INSYN2A: variants seen among roughly 807,000 people sequenced by gnomAD.
The protein encoded by INSYN2A is family with sequence similarity 196 member A.
In INSYN2A, 17 loss-of-function variants were observed where a neutral mutation model predicts 39.4. The observed-to-expected ratio is 0.43, with a 90% CI of 0.30 to 0.65. INSYN2A has a LOEUF of 0.65. Ranked by LOEUF, INSYN2A falls within the 30% of genes least tolerant of loss-of-function variation. The probability of loss-of-function intolerance (pLI) is 0.14; values close to 1 mark genes in which losing one functional copy is unlikely to be tolerated. For synonymous variants in INSYN2A, 255 were observed against 265.7 expected, an observed-to-expected ratio of 0.96 and a Z score of 0.39; for missense variants, 595 against 631.2, an observed-to-expected ratio of 0.94 and a Z score of 0.61.
intron 2 of INSYN2A, among the ~76,000 whole-genome samples, chr10:127,181,182 G>A (rs1386807011): frequency 1.3e-5 from 2 of 152,176 alleles, no homozygotes; most frequent in African/African-American, 4.8e-5. Flanking sequence ...ATGTATATAT[G>A]CATAGGTATA....
chr10:127,161,759 C>T (rs998619804), intron 4 of INSYN2A, among the ~76,000 whole-genome samples: 1 of 152,174 alleles, frequency 6.6e-6, no homozygotes, highest in Non-Finnish European at 1.5e-5. Context: ...CCTGTCTTGC[C>T]ATGTTGTCAT....
Position 127,169,310 on chromosome 10 carries a change from C to G in INSYN2A, c.1184+5902G>C, listed in dbSNP as rs78125021. On this transcript the variant is annotated intron_variant, in intron 4 of 5. Coordinates refer to ENST00000522781, the MANE Select transcript of INSYN2A (RefSeq NM_001039762.3). The stretch of plus-strand genomic sequence containing the variant: ...CTGTGAACCCCTCAAAGGCTGGGCC[C>G]GAATTCCTTTGACTCTCACATCCCC... 9.4e-3 allele frequency among the ~76,000 whole-genome samples: 1,429 copies of G among 152,260 alleles called. 21 individuals carry two copies. The highest frequency in any genetic ancestry group is 0.033 in the African/African-American group (1,352 of 41,552).
intron 5 of INSYN2A, among the ~76,000 whole-genome samples, chr10:127,142,442 T>C (rs918437748): frequency 4.6e-5 from 7 of 152,228 alleles, no homozygotes; most frequent in Admixed American, 2.0e-4. Flanking sequence ...GGAGTGTCCA[T>C]GTCATGAGGA....
In INSYN2A at chr10:127,153,908, C is replaced by T. The variant is rs745985733; in HGVS notation, c.1200G>A (p.Thr400=). Residue 400 remains threonine, a synonymous_variant, in exon 5 of 6, where the codon ACG becomes ACA. Transcript: ENST00000522781. ...EAHREGLSYR[T]GQDTANCDTC... is the part of the protein sequence containing the mutation. ...TGTCACAATTAGCTGTGTCTTGCCC[C>T]GTCCGATATGAAAGCCTACAAGATA... The T allele has an allele frequency of 3.7e-6, 6 of 1,613,746 alleles. No homozygotes were observed. The highest frequency in any genetic ancestry group is 2.7e-5 in the African/African-American group (2 of 74,898).
intron 4 of INSYN2A, among the ~76,000 whole-genome samples, chr10:127,155,578 C>T (rs1275856141): frequency 6.6e-6 from 1 of 152,246 alleles, no homozygotes; most frequent in South Asian, 2.1e-4. Flanking sequence ...TTATCCCCTC[C>T]CCTTGTTCCT....
chr10:127,182,995 C>T (rs1291314750), intron 2 of INSYN2A, among the ~76,000 whole-genome samples: 1 of 149,692 alleles, frequency 6.7e-6, no homozygotes, highest in Non-Finnish European at 1.5e-5. Flanking sequence ...TAGTGGGAAT[C>T]TCACTCACAT....
At chr10:127,157,477 C>T (rs2053194770) in intron 4 of INSYN2A, among the ~76,000 whole-genome samples, 1 of 152,232 alleles carries the variant, frequency 6.6e-6, no homozygotes, top group Admixed American at 6.5e-5. Context: ...CATGGAAACA[C>T]TTCTTGACTT....
chr10:127,169,178 T>A (rs1259232735), intron 4 of INSYN2A, among the ~76,000 whole-genome samples: 1 of 152,128 alleles, frequency 6.6e-6, no homozygotes, highest in African/African-American at 2.4e-5. Flanking sequence ...TACATACATA[T>A]TAGGTATATG....
chr10:127,176,655 A>G lies in INSYN2A; in HGVS notation c.-6+222T>C, dbSNP rs1359249999. On this transcript the variant is annotated intron_variant, in intron 3 of 5. Coordinates refer to ENST00000522781, the MANE Select transcript of INSYN2A (RefSeq NM_001039762.3). This position sits in a 1 kb window ranked among gnomAD's most constrained non-coding sequence, Gnocchi z 4.4. Reference sequence around the variant, plus strand: ...CTCGCTTTCCTTTTGACAGTAATGCATGTTTCCCCATTAGACAAACCTGTT... The same window carrying G: ...CTCGCTTTCCTTTTGACAGTAATGCGTGTTTCCCCATTAGACAAACCTGTT... Among the ~76,000 whole-genome samples, 1 of 152,188 alleles carries G rather than the reference A, an allele frequency of 6.6e-6. No homozygotes were observed. The highest frequency in any genetic ancestry group is 1.9e-4 in the East Asian group (1 of 5,198).
chr10:127,137,695 G>A lies in INSYN2A; in HGVS notation c.*142C>T, dbSNP rs752089894. ...CTGTTAATTATCTATTGGTACAAAGGCCTTTTTGGTACGCAGGGCGAGAAG... is the reference window on the plus strand; with the variant it reads ...CTGTTAATTATCTATTGGTACAAAGACCTTTTTGGTACGCAGGGCGAGAAG... On this transcript the variant is annotated 3_prime_UTR_variant, in exon 6 of 6. Coordinates refer to ENST00000522781, the MANE Select transcript of INSYN2A (RefSeq NM_001039762.3). The A allele has an allele frequency of 2.6e-5, 18 of 685,056 alleles. No homozygotes were observed. Among genetic ancestry groups the A allele is most frequent in the Non-Finnish European group, 4.4e-5 (18 of 411,788 alleles). 42.4% of individuals were successfully genotyped at this position (685,056 alleles called of 1,614,324 possible).
chr10:127,142,864 A>G (rs777228561), intron 5 of INSYN2A, among the ~76,000 whole-genome samples: 10 of 152,196 alleles, frequency 6.6e-5, no homozygotes, highest in Non-Finnish European at 5.9e-5. Context: ...CCCTTTTCAA[A>G]ATGAAAGTTT....
At chr10:127,163,747 G>C (rs928537095) in intron 4 of INSYN2A, among the ~76,000 whole-genome samples, 1 of 150,612 alleles carries the variant, frequency 6.6e-6, no homozygotes, top group African/African-American at 2.4e-5. Flanking sequence ...AAAATAAATA[G>C]CTTAGTCTTG....
rs546285254 is a variant in INSYN2A, at chr10:127,137,499, G to C, written c.*338C>G. On this transcript the variant is annotated 3_prime_UTR_variant, in exon 6 of 6. Transcript: ENST00000522781. ...TAATTATGAGTTATAGCTGTGTACA[G>C]GGTGACAGCCTGCCATCTCGCAGGT... The C allele has an allele frequency of 2.7e-4, 61 of 226,958 alleles. No individual in the cohort carries two copies. Among genetic ancestry groups the C allele is most frequent in the Non-Finnish European group, 1.0e-4 (12 of 116,866 alleles). The allele number at this position is 226,958 out of a possible 1,614,324, so 14.1% of individuals were successfully genotyped here. A position where few individuals can be genotyped will look rare whatever the true frequency, so the allele number is the denominator to read the frequency against.
intron 4 of INSYN2A, among the ~76,000 whole-genome samples, chr10:127,159,807 G>GA (rs2053429630): frequency 6.6e-6 from 1 of 152,138 alleles, no homozygotes; most frequent in Non-Finnish European, 1.5e-5. Context: ...AATGATAAAG[G>GA]AGGAGGGTGG....
rs1040725195 is a variant in INSYN2A at position 127,163,984 on chromosome 10, A to G, written c.1185-10061T>C. Among the ~76,000 whole-genome samples the G allele has an allele frequency of 3.3e-5, 5 of 151,704 alleles. No individual in the cohort carries two copies. The South Asian group carries it at 6.3e-4, about 19-fold the overall frequency. ...GGCTCTGGCTGTTAGGGAAGTTTTA[A>G]TGCTTGTTTTCATTATCAAGAATTA... On this transcript the variant is annotated intron_variant, in intron 4 of 5. Coordinates refer to ENST00000522781, the MANE Select transcript of INSYN2A (RefSeq NM_001039762.3).
At chr10:127,192,409 A>G (rs936243084) in intron 2 of INSYN2A, among the ~76,000 whole-genome samples, 196 bp downstream of exon 2, 10 of 152,216 alleles carry the variant, frequency 6.6e-5, no homozygotes, top group Non-Finnish European at 1.3e-4. Flanking sequence ...TCTCAGTCCC[A>G]ATTAGAGCTG....
rs183999531 is a variant in INSYN2A at position 127,169,208 on chromosome 10, G to A, written c.1184+6004C>T. ...TATATGTGTGTCATACACACACAGA[G>A]TTCCAAAGCAGGACCCCAGGTTGTA... is the stretch of plus-strand genomic sequence containing the variant. On this transcript the variant is annotated intron_variant, in intron 4 of 5. Coordinates refer to ENST00000522781, the MANE Select transcript of INSYN2A (RefSeq NM_001039762.3). Among the ~76,000 whole-genome samples the A allele has an allele frequency of 3.3e-5, 5 of 152,260 alleles. No homozygotes were observed. In the East Asian group the frequency reaches 5.8e-4, roughly 18 times the overall value.
intron 4 of INSYN2A, among the ~76,000 whole-genome samples, chr10:127,172,252 A>T (rs942595589): frequency 2.0e-5 from 3 of 152,126 alleles, no homozygotes; most frequent in African/African-American, 7.2e-5. Flanking sequence ...AGTGGAGCAG[A>T]GTGTTACATT....
chr10:127,153,979 A>G (rs1419275649), intron 4 of INSYN2A, 56 bp from the exon 5 acceptor site: 15 of 1,261,422 alleles, frequency 1.2e-5, no homozygotes, highest in Non-Finnish European at 1.7e-5. Context: ...CACTGGCTTT[A>G]TAGAGCAGAT....
Sources: gnomAD v4.1 joint callset for allele counts (sites outside exome capture counted in the v4.1 genomes callset) on GRCh38, gnomAD v4.1.1 for gene constraint, Gnocchi (gnomAD v3.1) non-coding constraint, MANE v1.5 for transcripts, NCBI Gene and HGNC (gene_info 2026-07-23, HGNC 2026-07-21) for gene names.